The following STAM2 variants were observed in gnomAD, a reference collection of about 807,000 sequenced individuals.
The protein encoded by STAM2 is signal transducing adapter molecule 2.
STAM2 carries 51 observed loss-of-function variants against 65.6 expected under a neutral mutation model. That is an observed-to-expected ratio of 0.78 (90% CI 0.62 to 0.98). The LOEUF is 0.98. Among genes scored for constraint, STAM2 ranks in the 50% least tolerant of loss-of-function variants. The pLI is 0.00. For synonymous variants in STAM2, 198 were observed against 208.4 expected (o/e 0.95, Z 0.43); for missense variants, 584 against 617.8 (o/e 0.95, Z 0.58).
chr2:152,157,458 G>A (rs1689575279), intron 1 of STAM2, among the ~76,000 whole-genome samples: 1 of 152,192 alleles, frequency 6.6e-6, no homozygotes, highest in Non-Finnish European at 1.5e-5. Flanking sequence ...TAGGATTAGT[G>A]TCCTTTTAAG....
rs1302350178 is a variant in STAM2 at position 152,136,917 on chromosome 2, C to T, written c.705-1314G>A. Among the ~76,000 whole-genome samples, 5 of 131,660 alleles carry T rather than the reference C, an allele frequency of 3.8e-5. No individual in the cohort carries two copies. In the East Asian group the frequency reaches 6.5e-4, roughly 17 times the overall value. The allele number at this position is 131,660 out of a possible 152,430, so 86.4% of individuals were successfully genotyped here. A position where few individuals can be genotyped will look rare whatever the true frequency, so the allele number is the denominator to read the frequency against. On this transcript the variant is annotated intron_variant, in intron 7 of 13. Transcript: ENST00000263904. ...CTTTTTTTTTTTTTTTTTTTTGAGA[C>T]GAGGTCTTGCTGTGTCACCCAAGCT...
chr2:152,124,772 C>T (rs1688921227), intron 12 of STAM2: 1 of 152,110 alleles, frequency 6.6e-6, no homozygotes, highest in Admixed American at 6.5e-5. Flanking sequence ...ATCACATTAC[C>T]TCCTTAGTAG....
chr2:152,145,033 T>C, intron 5 of STAM2, 76 bp from the exon 6 acceptor site: 1 of 1,152,988 alleles, frequency 8.7e-7, no homozygotes, highest in East Asian at 2.4e-5. Context: ...TTGCAGATGG[T>C]AAATTTTAAA....
intron 1 of STAM2, among the ~76,000 whole-genome samples, chr2:152,171,002 G>A (rs918693506): frequency 6.6e-6 from 1 of 152,126 alleles, no homozygotes; most frequent in Non-Finnish European, 1.5e-5. Context: ...TCTCAAAAAA[G>A]AAGAAATGCT....
chr2:152,165,139 G>T (rs1689752653), intron 1 of STAM2, among the ~76,000 whole-genome samples: 1 of 152,106 alleles, frequency 6.6e-6, no homozygotes, highest in African/African-American at 2.4e-5. Context: ...AAGGAAAAAT[G>T]AGTCGGTCGG....
intron 1 of STAM2, among the ~76,000 whole-genome samples, chr2:152,161,214 T>C (rs1276274850): frequency 6.6e-6 from 1 of 151,470 alleles, no homozygotes; most frequent in Non-Finnish European, 1.5e-5. Context: ...CCCTGTGCTC[T>C]CTGAAACATG....
intron 1 of STAM2, among the ~76,000 whole-genome samples, chr2:152,171,591 T>C (rs749417797): frequency 1.3e-4 from 20 of 152,238 alleles, no homozygotes; most frequent in Non-Finnish European, 8.8e-5. Flanking sequence ...CATGACTGCA[T>C]TTCACTGGAG....
chr2:152,140,730 T>C (rs1689230530), intron 7 of STAM2, among the ~76,000 whole-genome samples: 1 of 152,214 alleles, frequency 6.6e-6, no homozygotes, highest in Non-Finnish European at 1.5e-5. Flanking sequence ...TCAGCAGGGC[T>C]TTCCAGGCAG....
intron 5 of STAM2, among the ~76,000 whole-genome samples, 153 bp downstream of exon 5, chr2:152,147,009 T>C (rs888401724): frequency 3.9e-5 from 6 of 152,302 alleles, no homozygotes; most frequent in African/African-American, 1.4e-4. Context: ...AACTAGAATG[T>C]CTACTAAACG....
chr2:152,143,880 C>T lies in STAM2; in HGVS notation c.651G>A (p.Glu217=). ...VRALYDFEAV[E]DNELTFKHGE... is the part of the protein sequence containing the mutation. ...CATGTTTAAAGGTGAGTTCATTGTCCTCAACAGCTTCAAAATCATATAAAG... is the reference window on the plus strand; with the variant it reads ...CATGTTTAAAGGTGAGTTCATTGTCTTCAACAGCTTCAAAATCATATAAAG... The change falls in exon 7 of 14, where the codon GAG becomes GAA. Residue 217 remains glutamate, a synonymous_variant. Coordinates refer to ENST00000263904, the MANE Select transcript of STAM2 (RefSeq NM_005843.6). The T allele has an allele frequency of 1.2e-6, 2 of 1,613,622 alleles. No individual in the cohort carries two copies. The highest frequency in any genetic ancestry group is 1.7e-6 in the Non-Finnish European group (2 of 1,179,794).
intron 7 of STAM2, among the ~76,000 whole-genome samples, chr2:152,136,892 C>CTTTTTT (rs746931542): frequency 6.1e-5 from 8 of 130,108 alleles, no homozygotes; most frequent in Non-Finnish European, 1.2e-4. Context: ...AAACATTTTT[C>CTTTTTT]TTTTTTTTTT....
At chr2:152,168,834 C>A (rs1211595139) in intron 1 of STAM2, among the ~76,000 whole-genome samples, 1 of 152,166 alleles carries the variant, frequency 6.6e-6, no homozygotes, top group Non-Finnish European at 1.5e-5. Flanking sequence ...ACAGACAATT[C>A]AATCCACAGT....
chr2:152,123,658 A>G, intron 13 of STAM2, 108 bp downstream of exon 13: 1 of 1,096,622 alleles, frequency 9.1e-7, no homozygotes, highest in South Asian at 1.6e-5. Context: ...TCACAGGATT[A>G]TGAATAAACA....
intron 1 of STAM2, among the ~76,000 whole-genome samples, chr2:152,169,958 C>T (rs1251326584): frequency 6.6e-6 from 1 of 151,864 alleles, no homozygotes; most frequent in Admixed American, 6.6e-5. Context: ...CTACCTCAGC[C>T]TCCCGAGTAG....
intron 6 of STAM2, among the ~76,000 whole-genome samples, chr2:152,144,411 TA>T (rs1211437593): frequency 6.6e-6 from 1 of 152,228 alleles, no homozygotes; most frequent in Non-Finnish European, 1.5e-5. Flanking sequence ...GATAATGAAT[TA>T]AATTCATTTG....
intron 1 of STAM2, among the ~76,000 whole-genome samples, chr2:152,160,895 G>A (rs959838630): frequency 6.6e-6 from 1 of 151,454 alleles, no homozygotes; most frequent in Non-Finnish European, 1.5e-5. Flanking sequence ...CCCCCCGCCT[G>A]GCCAGCCGCC....
At chr2:152,161,751 C>T (rs898327701) in intron 1 of STAM2, among the ~76,000 whole-genome samples, 20 of 152,142 alleles carry the variant, frequency 1.3e-4, no homozygotes, top group East Asian at 1.2e-3. Flanking sequence ...TAATGTTTAT[C>T]GATGCAAATC....
In STAM2 at chr2:152,126,445, AT is replaced by A. The variant is rs1688965331; in HGVS notation, c.1026-67del. 6 of 1,011,104 alleles carry A rather than the reference AT, an allele frequency of 5.9e-6. No individual in the cohort carries two copies. In the South Asian group the frequency reaches 1.2e-4, roughly 20 times the overall value. 62.6% of individuals were successfully genotyped at this position (1,011,104 alleles called of 1,614,324 possible). On this transcript the variant is annotated intron_variant, in intron 11 of 13. Transcript: ENST00000263904. ...TAGCATGTATTTAGTAATATAAATT[AT>A]TTTTTTAATTTAGCACAATTTCTAT...
chr2:152,150,087 AAAGAGACACTGGTTATC>A, intron 2 of STAM2, 41 bp downstream of exon 2: 1 of 1,183,810 alleles, frequency 8.4e-7, no homozygotes, highest in Non-Finnish European at 1.3e-6. Context: ...TACATCACAA[AAAGAGACACTGGTTATC>A]AAGTTCCTAG....
Sources: allele counts gnomAD v4.1 joint callset (sites outside exome capture counted in the v4.1 genomes callset), GRCh38; gene constraint gnomAD v4.1.1; transcripts MANE v1.5; gene names NCBI Gene and HGNC (gene_info 2026-07-23, HGNC 2026-07-21).